Variants in IGBP1 observed in about 807,000 individuals in gnomAD.
IGBP1 encodes the protein immunoglobulin binding protein 1.
Under a neutral mutation model 25.9 loss-of-function variants are expected in IGBP1, and 2 were observed. The ratio of observed to expected loss-of-function variants is 0.08; its 90% CI spans 0.03 to 0.24. The LOEUF (loss-of-function observed/expected upper bound fraction) is 0.24. Ranked by LOEUF, IGBP1 falls within the 10% of genes least tolerant of loss-of-function variation. IGBP1 has a pLI of 1.00. For synonymous variants in IGBP1, 96 were observed against 93.4 expected, an observed-to-expected ratio of 1.03 and a Z score of -0.16; for missense variants, 187 against 260.4, an observed-to-expected ratio of 0.72 and a Z score of 1.94.
intron 6 of IGBP1, 67 bp downstream of exon 6, chrX:70,150,389 C>T (rs2085195526): frequency 1.5e-6 from 1 of 676,047 alleles, no homozygotes; most frequent in Admixed American, 2.4e-5. Context: ...TAAGTTCTTA[C>T]CAAGTATAGT....
intron 3 of IGBP1, among the ~76,000 whole-genome samples, chrX:70,135,844 G>A (rs1020139098): frequency 2.7e-5 from 3 of 111,730 alleles, no homozygotes; most frequent in Non-Finnish European, 5.6e-5. Context: ...AGAGAAACTT[G>A]TTGCTGAGAA....
intron 3 of IGBP1, among the ~76,000 whole-genome samples, chrX:70,136,293 C>T (rs778103473): frequency 9.0e-6 from 1 of 111,587 alleles, no homozygotes; most frequent in Admixed American, 9.6e-5. Flanking sequence ...AATACACAGT[C>T]AGGGGAACAT....
In IGBP1 at chrX:70,133,763, T is replaced by C. The variant is rs2085076990; in HGVS notation, c.-185T>C. The C allele has an allele frequency of 2.2e-6, 1 of 453,463 alleles. No individual in the cohort carries two copies. Among genetic ancestry groups the C allele is most frequent in the Non-Finnish European group, 3.8e-6 (1 of 261,253 alleles). 37.4% of individuals were successfully genotyped at this position (453,463 alleles called of 1,213,427 possible). On this transcript the variant is annotated 5_prime_UTR_variant, in exon 2 of 7. Transcript: ENST00000356413. ...AACGGGCTGCCTGGTAAAATGAGTC[T>C]ATGGAAACGGTTGCCAGGGCCGGCT...
chrX:70,148,054 G>A (rs765721979), intron 4 of IGBP1, among the ~76,000 whole-genome samples: 1 of 111,944 alleles, frequency 8.9e-6, no homozygotes, highest in African/African-American at 3.2e-5. Flanking sequence ...CTTTGTGTGT[G>A]AGTTTTTTGT....
chrX:70,163,540 A>G (rs2147593192), intron 6 of IGBP1, among the ~76,000 whole-genome samples: 1 of 112,073 alleles, frequency 8.9e-6, no homozygotes, highest in East Asian at 2.8e-4. Context: ...GTTAATTTTA[A>G]AAAGTTAAAA....
At position 70,153,605 on chromosome X, in the gene IGBP1, A is replaced by G. The variant is rs530068266; in HGVS notation, c.871+3283A>G. On this transcript the variant is annotated intron_variant, in intron 6 of 6. Coordinates refer to ENST00000356413, the MANE Select transcript of IGBP1 (RefSeq NM_001551.3). Reference sequence around the variant, plus strand: ...TGAACCGATACATGTCTATTGCTGTATAACAAATTACTCTAAAACTTAGCA... The same window carrying G: ...TGAACCGATACATGTCTATTGCTGTGTAACAAATTACTCTAAAACTTAGCA... 2.0e-4 allele frequency among the ~76,000 whole-genome samples: 22 copies of G among 112,617 alleles called. No individual in the cohort carries two copies. The South Asian group carries it at 7.4e-3, about 38-fold the overall frequency.
At chrX:70,153,063 C>T (rs781672442) in intron 6 of IGBP1, among the ~76,000 whole-genome samples, 1 of 111,741 alleles carries the variant, frequency 8.9e-6, no homozygotes, top group South Asian at 3.7e-4. Flanking sequence ...TTGAAATCAT[C>T]CAAAGATAAA....
intron 3 of IGBP1, among the ~76,000 whole-genome samples, chrX:70,139,495 C>T (rs2147569531): frequency 9.0e-6 from 1 of 110,888 alleles, no homozygotes; most frequent in South Asian, 3.8e-4. Flanking sequence ...TAGCCCAGAC[C>T]CCTCCTGACC....
chrX:70,150,724 G>A (rs1012769695), intron 6 of IGBP1, among the ~76,000 whole-genome samples: 8 of 112,097 alleles, frequency 7.1e-5, no homozygotes, highest in Middle Eastern at 8.4e-3. Context: ...AAAAGCAGGT[G>A]TAAGCTGAAG....
intron 3 of IGBP1, among the ~76,000 whole-genome samples, chrX:70,142,455 C>T (rs1480042977): frequency 9.0e-6 from 1 of 111,239 alleles, no homozygotes; most frequent in Non-Finnish European, 1.9e-5. Flanking sequence ...GGAGGATGAT[C>T]AATAAATAGA....
chrX:70,134,505 T>A lies in IGBP1; in HGVS notation c.189-18T>A. On this transcript the variant is annotated intron_variant, in intron 2 of 6. Coordinates refer to ENST00000356413, the MANE Select transcript of IGBP1 (RefSeq NM_001551.3). ...GAATGCCTAGTCAGGCTTCACTGCC[T>A]CCTTTTTGCTCTTCCAGCCGAAATG... is the stretch of plus-strand genomic sequence containing the variant. The A allele has an allele frequency of 1.7e-6, 2 of 1,207,190 alleles. No homozygotes were observed. The highest frequency in any genetic ancestry group is 2.2e-6 in the Non-Finnish European group (2 of 893,014).
intron 6 of IGBP1, among the ~76,000 whole-genome samples, chrX:70,163,288 G>A (rs1438500523): frequency 9.1e-6 from 1 of 110,145 alleles, no homozygotes; most frequent in African/African-American, 3.3e-5. Flanking sequence ...CGAACTCCTG[G>A]GTTCAAGCAG....
In IGBP1 at chrX:70,133,548, G is replaced by T; in HGVS notation, c.-226+8G>T. On this transcript the variant is annotated splice_region_variant and intron_variant, in intron 1 of 6. Transcript: ENST00000356413. ...TAGGGAGCTACTCGCGAGGTAAGGG[G>T]CGCGCCAGACTGGCTCCTAAAACGC... is the stretch of plus-strand genomic sequence containing the variant. 8.3e-6 allele frequency: 3 copies of T among 363,113 alleles called. No individual in the cohort carries two copies. The highest frequency in any genetic ancestry group is 1.4e-5 in the Non-Finnish European group (3 of 211,176). 29.9% of individuals were successfully genotyped at this position (363,113 alleles called of 1,213,427 possible).
chrX:70,146,784 G>T lies in IGBP1; in HGVS notation c.634G>T (p.Asp212Tyr). The change falls in exon 4 of 7, where the codon GAC becomes TAC. Residue 212 changes from aspartate (D) to tyrosine (Y), a missense_variant. Transcript: ENST00000356413. ...DISLEEIESIDQEIKILRERD... is the reference protein window; with the variant it reads ...DISLEEIESIYQEIKILRERD... ...CAGCTTAGAAGAGATTGAGAGCATT[G>T]ACCAGGAAATAAAGATCCTGAGAGA... The T allele has an allele frequency of 1.7e-6, 2 of 1,208,251 alleles. No homozygotes were observed. The highest frequency in any genetic ancestry group is 2.2e-6 in the Non-Finnish European group (2 of 892,743).
At position 70,150,307 on chromosome X, in the gene IGBP1, G is replaced by A; in HGVS notation, c.856G>A (p.Ala286Thr). The A allele has an allele frequency of 8.6e-7, 1 of 1,166,676 alleles. No individual in the cohort carries two copies. Among genetic ancestry groups the A allele is most frequent in the Non-Finnish European group, 1.2e-6 (1 of 854,426 alleles). The stretch of plus-strand genomic sequence containing the variant: ...TGGAGCATTACCGGATCAGGGAATA[G>A]CCAAGGCAGCACCAGGTATGACGGG... ...KYGALPDQGI[A>T]KAAPEEFRKA... Residue 286 changes from alanine (A) to threonine (T), a missense_variant, in exon 6 of 7, where the codon GCC (alanine) becomes ACC (threonine). Physicochemically the swap from Ala to Thr is moderately conservative, Grantham distance 58. Coordinates refer to ENST00000356413, the MANE Select transcript of IGBP1 (RefSeq NM_001551.3).
At chrX:70,151,771 G>A (rs969277360) in intron 6 of IGBP1, among the ~76,000 whole-genome samples, 2 of 110,195 alleles carry the variant, frequency 1.8e-5, no homozygotes, top group Non-Finnish European at 3.8e-5. Context: ...CCATCTTCTC[G>A]GGAGGCTGAG....
chrX:70,134,269 G>A, intron 2 of IGBP1, 134 bp downstream of exon 2: 1 of 617,009 alleles, frequency 1.6e-6, no homozygotes, highest in South Asian at 2.6e-5. Context: ...GCGATCTTGT[G>A]TACATTGTTT....
chrX:70,146,450 C>T (rs1001381583), intron 3 of IGBP1, among the ~76,000 whole-genome samples, 183 bp from the exon 4 acceptor site: 1 of 110,732 alleles, frequency 9.0e-6, no homozygotes, highest in Non-Finnish European at 1.9e-5. Flanking sequence ...TGGGCCCTAA[C>T]TTGTCATCTG....
Position 70,134,192 on chromosome X carries a change from G to A in IGBP1, c.188+57G>A, listed in dbSNP as rs2085080982. 4 of 1,094,670 alleles carry A rather than the reference G, an allele frequency of 3.7e-6. No individual in the cohort carries two copies. The African/African-American group carries it at 7.2e-5, about 20-fold the overall frequency. The allele number at this position is 1,094,670 out of a possible 1,213,427, so 90.2% of individuals were successfully genotyped here. ...ACGAAGGTAATAATGGTTACCAAGGGTGGAGCCATTGCGCCTGAGTGGAGG... is the reference window on the plus strand; with the variant it reads ...ACGAAGGTAATAATGGTTACCAAGGATGGAGCCATTGCGCCTGAGTGGAGG... On this transcript the variant is annotated intron_variant, in intron 2 of 6. Transcript: ENST00000356413.
Sources: gnomAD v4.1 joint callset for allele counts (sites outside exome capture counted in the v4.1 genomes callset) on GRCh38, gnomAD v4.1.1 for gene constraint, MANE v1.5 for transcripts, NCBI Gene and HGNC (gene_info 2026-07-23, HGNC 2026-07-21) for gene names.